Variants in MARCHF1 observed in about 807,000 individuals in gnomAD.
MARCHF1 encodes the protein membrane associated ring-CH-type finger 1, also known as E3 ubiquitin-protein ligase MARCHF1.
Under a neutral mutation model 54.2 loss-of-function variants are expected in MARCHF1, and 40 were observed. The observed-to-expected ratio is 0.74, with a 90% CI of 0.57 to 0.96. The LOEUF (loss-of-function observed/expected upper bound fraction) is 0.96. Ranked by LOEUF, MARCHF1 falls within the 40% of genes least tolerant of loss-of-function variation. MARCHF1 has a pLI of 0.00. For synonymous variants in MARCHF1, 236 were observed against 236.3 expected (o/e 1.00, Z 0.01); for missense variants, 586 against 656.5 (o/e 0.89, Z 1.17).
intron 4 of MARCHF1, among the ~76,000 whole-genome samples, chr4:163,759,096 A>G (rs979927968): frequency 5.3e-5 from 8 of 150,622 alleles, no homozygotes; most frequent in Non-Finnish European, 1.2e-4. Context: ...TTTAGAGCTC[A>G]TTAATATTCA....
intron 5 of MARCHF1, among the ~76,000 whole-genome samples, chr4:163,643,333 T>TAA (rs1488246875): frequency 6.7e-6 from 1 of 150,170 alleles, no homozygotes; most frequent in Non-Finnish European, 1.5e-5. Flanking sequence ...GTCTCAAAAA[T>TAA]AAAAATAAAA....
chr4:163,800,495 G>A (rs1748049304), intron 4 of MARCHF1, among the ~76,000 whole-genome samples: 2 of 151,688 alleles, frequency 1.3e-5, no homozygotes, highest in South Asian at 4.1e-4. Flanking sequence ...TTAAATCAAA[G>A]TTAAGAGCTT....
chr4:163,850,687 A>G (rs113035404), intron 4 of MARCHF1, among the ~76,000 whole-genome samples: 1 of 152,226 alleles, frequency 6.6e-6, no homozygotes, highest in Admixed American at 6.5e-5. Context: ...TTCTAGTTGC[A>G]TAATGTTTTG....
chr4:164,129,104 T>C (rs540590675), intron 1 of MARCHF1, among the ~76,000 whole-genome samples: 1 of 152,332 alleles, frequency 6.6e-6, no homozygotes, highest in South Asian at 2.1e-4. Context: ...GATTTGTGAA[T>C]ACCTCTCCTT....
chr4:163,693,339 G>A (rs1340870075), intron 5 of MARCHF1, among the ~76,000 whole-genome samples: 2 of 151,408 alleles, frequency 1.3e-5, no homozygotes, highest in Non-Finnish European at 2.9e-5. Flanking sequence ...GACCCAGGCT[G>A]TTTGGTAGAA....
chr4:163,760,522 A>T (rs1746799514), intron 4 of MARCHF1, among the ~76,000 whole-genome samples: 1 of 152,140 alleles, frequency 6.6e-6, no homozygotes, highest in South Asian at 2.1e-4. Context: ...AGTAATTGAA[A>T]GAGTTTTCCC....
intron 4 of MARCHF1, among the ~76,000 whole-genome samples, chr4:163,706,415 T>A (rs1312871400): frequency 6.6e-6 from 1 of 152,102 alleles, no homozygotes; most frequent in Non-Finnish European, 1.5e-5. Context: ...ATTTTTGATT[T>A]ATTTAATATT....
chr4:164,015,493 A>G (rs1359303776), intron 2 of MARCHF1, among the ~76,000 whole-genome samples: 1 of 152,180 alleles, frequency 6.6e-6, no homozygotes, highest in Non-Finnish European at 1.5e-5. Flanking sequence ...CACAGCAAAT[A>G]AAGCAATTAA....
chr4:163,961,347 A>G (rs1405680288), intron 3 of MARCHF1, among the ~76,000 whole-genome samples: 3 of 152,044 alleles, frequency 2.0e-5, no homozygotes, highest in Non-Finnish European at 1.5e-5. Context: ...AACACATATG[A>G]CATTGCTCTT....
chr4:163,852,618 A>G (rs1749671570), intron 4 of MARCHF1, among the ~76,000 whole-genome samples: 1 of 152,172 alleles, frequency 6.6e-6, no homozygotes, highest in African/African-American at 2.4e-5. Flanking sequence ...AATACCCAGT[A>G]GTTTTGCACA....
At chr4:164,211,228 A>G (rs1731760043) in intron 1 of MARCHF1, among the ~76,000 whole-genome samples, 1 of 151,612 alleles carries the variant, frequency 6.6e-6, no homozygotes, top group Non-Finnish European at 1.5e-5. Context: ...TCCCAAAATA[A>G]TAAGTAGTTG....
intron 2 of MARCHF1, among the ~76,000 whole-genome samples, chr4:164,073,529 G>A (rs1359009163): frequency 6.6e-6 from 1 of 152,020 alleles, no homozygotes; most frequent in Non-Finnish European, 1.5e-5. Context: ...ATAGCATTAA[G>A]AGAAATACCT....
chr4:164,231,255 G>A (rs1017484973), intron 1 of MARCHF1, among the ~76,000 whole-genome samples: 1 of 152,100 alleles, frequency 6.6e-6, no homozygotes, highest in Non-Finnish European at 1.5e-5. Flanking sequence ...AAAAGTACAT[G>A]TCACCCCATC....
intron 2 of MARCHF1, among the ~76,000 whole-genome samples, chr4:164,087,332 T>G (rs1014385267): frequency 1.3e-5 from 2 of 152,136 alleles, no homozygotes; most frequent in Non-Finnish European, 2.9e-5. Flanking sequence ...TGTACAGTAT[T>G]CTTCATAAAT....
chr4:164,217,020 A>G (rs1466659033), intron 1 of MARCHF1, among the ~76,000 whole-genome samples: 1 of 149,988 alleles, frequency 6.7e-6, no homozygotes, highest in South Asian at 2.1e-4. Flanking sequence ...GTACAAATGT[A>G]GAATTAGAAC....
chr4:163,945,399 T>A (rs759801324), intron 3 of MARCHF1, among the ~76,000 whole-genome samples: 1 of 152,170 alleles, frequency 6.6e-6, no homozygotes, highest in Non-Finnish European at 1.5e-5. Flanking sequence ...TAGCTGTCAA[T>A]CTGTTTGGGG....
chr4:164,149,510 C>A (rs752582990), intron 1 of MARCHF1, among the ~76,000 whole-genome samples: 1 of 152,130 alleles, frequency 6.6e-6, no homozygotes, highest in African/African-American at 2.4e-5. Context: ...CATAACATAT[C>A]GGCTTTCTCG....
rs534832190 is a variant in MARCHF1 at position 163,667,431 on chromosome 4, T to C, written c.162+33382A>G. Reference sequence around the variant, plus strand: ...ATATATTAGAAGATGTTGAAAATAGTGTTCTACAGATTGAACATGTGAGTC... The same window carrying C: ...ATATATTAGAAGATGTTGAAAATAGCGTTCTACAGATTGAACATGTGAGTC... On this transcript the variant is annotated intron_variant, in intron 5 of 9. Transcript: ENST00000514618. Among the ~76,000 whole-genome samples the C allele has an allele frequency of 7.2e-5, 11 of 152,284 alleles. No homozygotes were observed. In the South Asian group the frequency reaches 2.3e-3, roughly 32 times the overall value.
chr4:164,255,914 A>G (rs1167648172), intron 1 of MARCHF1, among the ~76,000 whole-genome samples: 3 of 152,148 alleles, frequency 2.0e-5, no homozygotes, highest in Non-Finnish European at 4.4e-5. Context: ...CTTTGACTCA[A>G]ATAAAGAATA....
Sources: gnomAD v4.1 joint callset for allele counts (sites outside exome capture counted in the v4.1 genomes callset) on GRCh38, gnomAD v4.1.1 for gene constraint, MANE v1.5 for transcripts, NCBI Gene and HGNC (gene_info 2026-07-23, HGNC 2026-07-21) for gene names.